The following PEAK1 variants were observed in gnomAD, a reference collection of about 807,000 sequenced individuals.
PEAK1 encodes pseudopodium enriched atypical kinase 1.
A neutral mutation model predicts 124.7 loss-of-function variants in PEAK1; 54 were observed. That is an observed-to-expected ratio of 0.43 (90% CI 0.35 to 0.54). PEAK1 has a LOEUF of 0.54. PEAK1 is among the 20% of genes least tolerant of loss of function. PEAK1 has a pLI of 0.01. For missense variants in PEAK1, 2,046 were observed against 2,134.5 expected (o/e 0.96, Z 0.82); for synonymous variants, 719 against 760.0 (o/e 0.95, Z 0.89).
chr15:77,278,166 G>C (rs1246145822), intron 5 of PEAK1, among the ~76,000 whole-genome samples: 1 of 151,960 alleles, frequency 6.6e-6, no homozygotes, highest in Admixed American at 6.6e-5. Flanking sequence ...ACCTAAAATT[G>C]CTCTAAAAAA....
chr15:77,250,225 A>ATG (rs2152924142), intron 6 of PEAK1, among the ~76,000 whole-genome samples: 1 of 136,044 alleles, frequency 7.4e-6, no homozygotes, highest in East Asian at 2.0e-4. Flanking sequence ...ATATATACAC[A>ATG]TATATATGTA....
At chr15:77,343,174 T>A in intron 2 of PEAK1, among the ~76,000 whole-genome samples, 1 of 152,232 alleles carries the variant, frequency 6.6e-6, no homozygotes, top group East Asian at 1.9e-4. Flanking sequence ...GCTATCCTAA[T>A]AGGTGTAAAG....
intron 1 of PEAK1, chr15:77,417,646 T>C: frequency 1.0e-6 from 1 of 985,266 alleles, no homozygotes; most frequent in Non-Finnish European, 1.2e-6. Flanking sequence ...AAACAACCCA[T>C]CCAACAAAAG....
chr15:77,304,221 T>C (rs931609233), intron 2 of PEAK1, among the ~76,000 whole-genome samples: 8 of 152,142 alleles, frequency 5.3e-5, no homozygotes, highest in African/African-American at 1.9e-4. Context: ...CAAAATAGCT[T>C]GCTGGGATTT....
At chr15:77,305,674 C>T (rs1404675262) in intron 2 of PEAK1, among the ~76,000 whole-genome samples, 1 of 152,094 alleles carries the variant, frequency 6.6e-6, no homozygotes, top group Non-Finnish European at 1.5e-5. Flanking sequence ...CTATAGTTAT[C>T]TCTCATTATC....
chr15:77,399,640 C>G (rs187046107), intron 1 of PEAK1, among the ~76,000 whole-genome samples: 1 of 152,250 alleles, frequency 6.6e-6, no homozygotes, highest in Admixed American at 6.5e-5. Context: ...ACCCCTATCT[C>G]TCACCATACA....
chr15:77,369,040 A>G (rs2068461056), intron 1 of PEAK1, among the ~76,000 whole-genome samples: 1 of 152,256 alleles, frequency 6.6e-6, no homozygotes, highest in Non-Finnish European at 1.5e-5. Flanking sequence ...TTCAAAAAGT[A>G]TAAAACTTCA....
chr15:77,178,725 T>C (rs1296767953), intron 7 of PEAK1, 65 bp downstream of exon 7: 20 of 1,473,688 alleles, frequency 1.4e-5, no homozygotes, highest in East Asian at 4.6e-5. Flanking sequence ...TTAAAAGATA[T>C]AAAAAACTTA....
intron 2 of PEAK1, among the ~76,000 whole-genome samples, chr15:77,288,573 G>C (rs922631215): frequency 5.3e-5 from 8 of 152,222 alleles, no homozygotes; most frequent in African/African-American, 1.9e-4. Flanking sequence ...ATTTTAGTAA[G>C]TCTTTTTGGA....
intron 2 of PEAK1, among the ~76,000 whole-genome samples, chr15:77,341,126 G>A (rs2141331215): frequency 6.6e-6 from 1 of 152,134 alleles, no homozygotes; most frequent in South Asian, 2.1e-4. Context: ...GTCTTAGAGG[G>A]TCCGAAGTGC....
chr15:77,140,011 A>T (rs1301163981), intron 8 of PEAK1, among the ~76,000 whole-genome samples: 23 of 152,130 alleles, frequency 1.5e-4, no homozygotes, highest in Admixed American at 1.5e-3. Flanking sequence ...CAACTTCTTG[A>T]ATGAAGGAAT....
chr15:77,336,634 T>C (rs1432703581), intron 2 of PEAK1: 2 of 698,372 alleles, frequency 2.9e-6, no homozygotes, highest in Admixed American at 1.3e-4. Context: ...AACTTAATAA[T>C]GGACATCCAA....
chr15:77,286,497 T>C lies in PEAK1; in HGVS notation c.-595A>G. The C allele has an allele frequency of 8.2e-7, 1 of 1,226,884 alleles. No individual in the cohort carries two copies. Among genetic ancestry groups the C allele is most frequent in the South Asian group, 4.1e-5 (1 of 24,232 alleles). The allele number at this position is 1,226,884 out of a possible 1,614,324, so 76.0% of individuals were successfully genotyped here. On this transcript the variant is annotated 5_prime_UTR_variant, in exon 3 of 10. Transcript: ENST00000682557. Reference sequence around the variant, plus strand: ...TTTCCTTACAAATGGATCTCAAGTATTCTTTTCCTATTAGAAGATGCAAAG... The same window carrying C: ...TTTCCTTACAAATGGATCTCAAGTACTCTTTTCCTATTAGAAGATGCAAAG...
At chr15:77,344,628 T>C (rs774096162) in intron 2 of PEAK1, among the ~76,000 whole-genome samples, 15 of 152,218 alleles carry the variant, frequency 9.9e-5, no homozygotes, top group Admixed American at 2.6e-4. Flanking sequence ...AGGGATCTAA[T>C]TGAATCTATA....
At chr15:77,228,291 AT>A (rs2059765503) in intron 6 of PEAK1, among the ~76,000 whole-genome samples, 1 of 152,160 alleles carries the variant, frequency 6.6e-6, no homozygotes, top group Non-Finnish European at 1.5e-5. Flanking sequence ...TCTAACATTT[AT>A]GAACATGTAC....
In PEAK1 at chr15:77,371,478, A is replaced by C. The variant is rs1023464701; in HGVS notation, c.-665-6253T>G. The C allele has an allele frequency of 1.6e-5, 16 of 981,882 alleles. No individual in the cohort carries two copies. In the African/African-American group the frequency reaches 2.8e-4, roughly 17 times the overall value. The allele number at this position is 981,882 out of a possible 1,614,324, so 60.8% of individuals were successfully genotyped here. A position where few individuals can be genotyped will look rare whatever the true frequency, so the allele number is the denominator to read the frequency against. On this transcript the variant is annotated intron_variant, in intron 1 of 9. Coordinates refer to ENST00000682557, the MANE Select transcript of PEAK1 (RefSeq NM_001385026.1). ...CTATTCACATGTAACTCAGATCTTTATTGTAGCCTTTGTTGTAACACTACA... is the reference window on the plus strand; with the variant it reads ...CTATTCACATGTAACTCAGATCTTTCTTGTAGCCTTTGTTGTAACACTACA...
intron 9 of PEAK1, among the ~76,000 whole-genome samples, chr15:77,125,462 A>G (rs2052291920): frequency 6.6e-6 from 1 of 152,092 alleles, no homozygotes; most frequent in South Asian, 2.1e-4. Context: ...CTTTGTGCCA[A>G]ATGATGCTCT....
At chr15:77,361,025 A>G (rs907790977) in intron 2 of PEAK1, among the ~76,000 whole-genome samples, 4 of 152,152 alleles carry the variant, frequency 2.6e-5, no homozygotes, top group Admixed American at 6.5e-5. Context: ...AACAAACGGG[A>G]TTACATCAAA....
At chr15:77,401,542 T>C (rs2071377502) in intron 1 of PEAK1, 1 of 975,640 alleles carries the variant, frequency 1.0e-6, no homozygotes, top group Non-Finnish European at 1.2e-6. Context: ...ACATTTCTTT[T>C]GTTTCTTAAA....
Sources: gnomAD v4.1 joint callset for allele counts (sites outside exome capture counted in the v4.1 genomes callset) on GRCh38, gnomAD v4.1.1 for gene constraint, MANE v1.5 for transcripts, NCBI Gene and HGNC (gene_info 2026-07-23, HGNC 2026-07-21) for gene names.